Variants in PALM2AKAP2 observed in about 807,000 individuals in gnomAD.
PALM2AKAP2 encodes the protein PALM2-AKAP2 fusion protein.
A neutral mutation model predicts 71.5 loss-of-function variants in PALM2AKAP2; 37 were observed. The observed-to-expected ratio is 0.52, with a 90% CI of 0.40 to 0.68. The LOEUF is 0.68. Among genes scored for constraint, PALM2AKAP2 ranks in the 30% least tolerant of loss-of-function variants. The pLI, the probability that PALM2AKAP2 is intolerant of heterozygous loss-of-function variation, is 0.00. For missense variants in PALM2AKAP2, 1,224 were observed against 1,191.8 expected (o/e 1.03, Z -0.40); for synonymous variants, 468 against 478.8 (o/e 0.98, Z 0.29).
At chr9:110,044,764 C>T (rs913999705), upstream of PALM2AKAP2, among the ~76,000 whole-genome samples, 10 of 151,754 alleles carry the variant, frequency 6.6e-5, no homozygotes, top group African/African-American at 2.4e-4. Flanking sequence ...GGTCTTTCGC[C>T]TTGCTAGGAG....
In PALM2AKAP2 at chr9:110,167,111, C is replaced by T. The variant is rs531788376; in HGVS notation, c.2749-1288C>T. Among the ~76,000 whole-genome samples the T allele has an allele frequency of 2.3e-4, 35 of 152,252 alleles. No individual in the cohort carries two copies. The East Asian group carries it at 3.1e-3, about 13-fold the overall frequency. On this transcript the variant is annotated intron_variant, in intron 3 of 3. Coordinates refer to ENST00000374525, the Ensembl canonical transcript of PALM2AKAP2. The stretch of plus-strand genomic sequence containing the variant: ...GTCTGGTGAGACTTATTCACTATCA[C>T]GAGAACAGCATGGGAAAACTCGCTC...
At chr9:110,164,720 A>G (rs527341093) in intron 3 of PALM2AKAP2, among the ~76,000 whole-genome samples, 1 of 152,066 alleles carries the variant, frequency 6.6e-6, no homozygotes, top group African/African-American at 2.4e-5. Flanking sequence ...TAGTAGAGAC[A>G]GGTTTTCACT....
intron 2 of PALM2AKAP2, among the ~76,000 whole-genome samples, chr9:110,139,651 TG>T (rs1433576824): frequency 6.6e-6 from 1 of 152,206 alleles, no homozygotes; most frequent in Admixed American, 6.5e-5. Context: ...TCTTGACACT[TG>T]GCTTCCATCA....
intron 1 of PALM2AKAP2, among the ~76,000 whole-genome samples, chr9:109,661,307 T>G (rs1002963815): frequency 2.0e-5 from 3 of 152,226 alleles, no homozygotes; most frequent in African/African-American, 7.2e-5. Flanking sequence ...GTCTACCATT[T>G]AAGTCTTTAA....
chr9:109,713,510 A>T (rs1003833112), intron 1 of PALM2AKAP2, among the ~76,000 whole-genome samples: 2 of 152,224 alleles, frequency 1.3e-5, no homozygotes, highest in Non-Finnish European at 2.9e-5. Flanking sequence ...TATGCTAGTG[A>T]TATAAAGTCT....
chr9:110,137,323 C>G (rs1345739831), exon 2 of PALM2AKAP2: 3 of 1,614,070 alleles, frequency 1.9e-6, no homozygotes, highest in South Asian at 1.1e-5. Context: ...TGGGGTCAGT[C>G]AACTCAGACA....
At chr9:109,684,407 A>T (rs1470940051) in intron 1 of PALM2AKAP2, among the ~76,000 whole-genome samples, 1 of 152,154 alleles carries the variant, frequency 6.6e-6, no homozygotes, top group East Asian at 1.9e-4. Flanking sequence ...AGGCTCAGTG[A>T]CCACAGGGAG....
chr9:109,859,572 TTAAAAG>T (rs985426721), intron 1 of PALM2AKAP2, among the ~76,000 whole-genome samples: 1 of 152,190 alleles, frequency 6.6e-6, no homozygotes, highest in Non-Finnish European at 1.5e-5. Flanking sequence ...AATAAAACAA[TTAAAAG>T]TAAATAACTA....
intron 1 of PALM2AKAP2, among the ~76,000 whole-genome samples, chr9:109,822,161 C>T (rs1454807193): frequency 2.0e-5 from 3 of 152,194 alleles, no homozygotes; most frequent in African/African-American, 7.2e-5. Context: ...CACAGGGGTG[C>T]CCCACAGAAT....
chr9:109,742,948 C>A (rs769715643), intron 1 of PALM2AKAP2, among the ~76,000 whole-genome samples: 9 of 152,204 alleles, frequency 5.9e-5, no homozygotes, highest in Non-Finnish European at 1.2e-4. Flanking sequence ...AGCCACCTCC[C>A]TGAGGGAAGC....
At chr9:109,702,238 T>C (rs530626624) in intron 1 of PALM2AKAP2, among the ~76,000 whole-genome samples, 10 of 152,316 alleles carry the variant, frequency 6.6e-5, no homozygotes, top group African/African-American at 2.4e-4. Context: ...ATCCCATTAC[T>C]GGGTATATAC....
intron 6 of PALM2AKAP2, among the ~76,000 whole-genome samples, chr9:109,986,573 TTC>T (rs1417097981): frequency 6.6e-6 from 1 of 152,232 alleles, no homozygotes; most frequent in Non-Finnish European, 1.5e-5. Flanking sequence ...GACTTAAATT[TTC>T]TGTTTCCCTT....
At chr9:109,898,093 C>T (rs16914593) in intron 3 of PALM2AKAP2, among the ~76,000 whole-genome samples, 6 of 152,180 alleles carry the variant, frequency 3.9e-5, no homozygotes, top group Admixed American at 2.6e-4. Flanking sequence ...GTGGATTTCT[C>T]TCTTCTCAAA....
intron 1 of PALM2AKAP2, among the ~76,000 whole-genome samples, chr9:110,080,297 T>A (rs1241344852): frequency 6.6e-6 from 1 of 152,120 alleles, no homozygotes; most frequent in Non-Finnish European, 1.5e-5. Context: ...TGATGGAAAT[T>A]GGTAGGGAAG....
intron 3 of PALM2AKAP2, among the ~76,000 whole-genome samples, chr9:109,888,772 A>G (rs1465472620): frequency 6.7e-6 from 1 of 150,282 alleles, no homozygotes; most frequent in East Asian, 1.9e-4. Flanking sequence ...CCATCCCCCT[A>G]CAGCAGAGTT....
chr9:109,850,796 C>A (rs1347892374), intron 1 of PALM2AKAP2, among the ~76,000 whole-genome samples: 1 of 152,204 alleles, frequency 6.6e-6, no homozygotes, highest in African/African-American at 2.4e-5. Context: ...AGAGCTCAAA[C>A]AAGCTTAAGC....
At chr9:109,774,381 A>G (rs76668703) in intron 1 of PALM2AKAP2, among the ~76,000 whole-genome samples, 2,193 of 152,322 alleles carry the variant, frequency 0.014, 62 homozygotes, top group African/African-American at 0.05. Context: ...GTAGGCATGT[A>G]GCTCTCTTCC....
At chr9:109,640,946 G>T in intron 1 of PALM2AKAP2, 3 of 1,444,596 alleles carry the variant, frequency 2.1e-6, no homozygotes, top group Admixed American at 2.6e-5. Flanking sequence ...GGCAGATCCC[G>T]CTCGGGTCCG....
chr9:109,651,387 G>A (rs1827223975), intron 1 of PALM2AKAP2, among the ~76,000 whole-genome samples: 1 of 152,204 alleles, frequency 6.6e-6, no homozygotes, highest in African/African-American at 2.4e-5. Context: ...ATGTGGCGAT[G>A]GCTCCCTTAT....
Sources: allele counts gnomAD v4.1 joint callset (sites outside exome capture counted in the v4.1 genomes callset), GRCh38; gene constraint gnomAD v4.1.1; transcripts MANE v1.5; gene names NCBI Gene and HGNC (gene_info 2026-07-23, HGNC 2026-07-21).